SLC24A2: variants seen among roughly 807,000 people sequenced by gnomAD.
The protein encoded by SLC24A2 is sodium/potassium/calcium exchanger 2.
SLC24A2 carries 36 observed loss-of-function variants against 62.0 expected under a neutral mutation model. That is an observed-to-expected ratio of 0.58 (90% CI 0.44 to 0.77). SLC24A2 has a LOEUF of 0.77. SLC24A2 is among the 30% of genes least tolerant of loss of function. SLC24A2 has a pLI of 0.00. For missense variants in SLC24A2, 846 were observed against 817.9 expected, an observed-to-expected ratio of 1.03 and a Z score of -0.42; for synonymous variants, 358 against 294.0, an observed-to-expected ratio of 1.22 and a Z score of -2.23.
At position 19,549,386 on chromosome 9, in the gene SLC24A2, T is replaced by A. The variant is rs186421063; in HGVS notation, c.1479+751A>T. Among the ~76,000 whole-genome samples, 4 of 152,298 alleles carry A rather than the reference T, an allele frequency of 2.6e-5. No individual in the cohort carries two copies. In the East Asian group the frequency reaches 7.7e-4, roughly 29 times the overall value. On this transcript the variant is annotated intron_variant, in intron 8 of 10. Transcript: ENST00000341998. ...GGTAAACTTTTTGTTTCCTCCCCCT[T>A]TAATCAAGACACACTTAGGACTGCT...
chr9:19,709,872 C>T (rs1242928814), intron 2 of SLC24A2, among the ~76,000 whole-genome samples: 1 of 151,588 alleles, frequency 6.6e-6, no homozygotes, highest in Non-Finnish European at 1.5e-5. Context: ...GCACATTGTG[C>T]ACATGTACCC....
chr9:20,089,776 A>C, the SLC24A2 span, among the ~76,000 whole-genome samples: 2 of 141,556 alleles, frequency 1.4e-5, no homozygotes, highest in Non-Finnish European at 3.0e-5. Context: ...GGCACCCCAC[A>C]GTCACCAGAA....
At chr9:20,169,500 C>T in the SLC24A2 span, among the ~76,000 whole-genome samples, 1 of 152,124 alleles carries the variant, frequency 6.6e-6, no homozygotes, top group South Asian at 2.1e-4. Flanking sequence ...CAGTTCACAT[C>T]ACAGAACTTT....
chr9:20,186,530 C>G, the SLC24A2 span, among the ~76,000 whole-genome samples: 3 of 152,274 alleles, frequency 2.0e-5, no homozygotes, highest in East Asian at 1.9e-4. Context: ...CCTTTGCCAG[C>G]TACCTACCTG....
chr9:20,163,760 C>A, the SLC24A2 span, among the ~76,000 whole-genome samples: 1 of 152,288 alleles, frequency 6.6e-6, no homozygotes, highest in South Asian at 2.1e-4. Flanking sequence ...ACCAAAACAG[C>A]ACGGTACTGG....
intron 7 of SLC24A2, among the ~76,000 whole-genome samples, chr9:19,572,433 TG>T (rs1221906305): frequency 6.6e-6 from 1 of 152,072 alleles, no homozygotes; most frequent in Non-Finnish European, 1.5e-5. Context: ...TGATTGAATC[TG>T]GGGGGCAGAT....
At chr9:20,112,822 C>T in the SLC24A2 span, among the ~76,000 whole-genome samples, 1 of 151,806 alleles carries the variant, frequency 6.6e-6, no homozygotes, top group African/African-American at 2.4e-5. Context: ...CCCTCACCAG[C>T]CACCCCCCAC....
At chr9:19,619,012 C>A (rs1481345572) in intron 4 of SLC24A2, among the ~76,000 whole-genome samples, 1 of 152,134 alleles carries the variant, frequency 6.6e-6, no homozygotes, top group Non-Finnish European at 1.5e-5. Context: ...GGAAGTGAGC[C>A]AGGCTTTTTG....
At chr9:19,528,965 G>C (rs1430756067) in intron 8 of SLC24A2, among the ~76,000 whole-genome samples, 1 of 152,154 alleles carries the variant, frequency 6.6e-6, no homozygotes, top group African/African-American at 2.4e-5. Context: ...CAAAAAATCA[G>C]ACACTTGAAA....
Position 19,522,999 on chromosome 9 carries a change from C to T in SLC24A2, c.1570-1939G>A, listed in dbSNP as rs185767079. ...TTAAAACATTCTTAATAATTAAATT[C>T]TTGGAGGGAATTCTAAAGTAGTGAC... is the stretch of plus-strand genomic sequence containing the variant. On this transcript the variant is annotated intron_variant, in intron 9 of 10. Transcript: ENST00000341998. Among the ~76,000 whole-genome samples, 24 of 152,212 alleles carry T rather than the reference C, an allele frequency of 1.6e-4. 2 individuals are homozygous for T. In the South Asian group the frequency reaches 2.3e-3, roughly 14 times the overall value.
the SLC24A2 span, among the ~76,000 whole-genome samples, chr9:19,911,898 C>G: frequency 6.6e-6 from 1 of 152,066 alleles, no homozygotes; most frequent in Non-Finnish European, 1.5e-5. Context: ...GGGGGTTAAA[C>G]AAACATATGT....
chr9:19,606,327 G>C (rs1256613521), intron 4 of SLC24A2, among the ~76,000 whole-genome samples: 1 of 152,192 alleles, frequency 6.6e-6, no homozygotes, highest in Non-Finnish European at 1.5e-5. Context: ...TGCCAATACT[G>C]GTTGTTATGG....
chr9:20,014,397 G>A, the SLC24A2 span, among the ~76,000 whole-genome samples: 1 of 151,584 alleles, frequency 6.6e-6, no homozygotes, highest in African/African-American at 2.4e-5. Flanking sequence ...GAGGAAATGA[G>A]ATCAGTATGT....
chr9:20,086,363 G>A, the SLC24A2 span, among the ~76,000 whole-genome samples: 3 of 152,094 alleles, frequency 2.0e-5, no homozygotes, highest in Admixed American at 6.5e-5. Flanking sequence ...CCTGAGGCTC[G>A]AGATTCATTG....
Position 19,599,006 on chromosome 9 carries a change from G to A in SLC24A2, c.1079-1727C>T, listed in dbSNP as rs138103556. 6.4e-3 allele frequency among the ~76,000 whole-genome samples: 982 copies of A among 152,270 alleles called. 9 individuals are homozygous for A. The highest frequency in any genetic ancestry group is 0.033 in the South Asian group (161 of 4,818). On this transcript the variant is annotated intron_variant, in intron 4 of 10. Transcript: ENST00000341998. This position sits in a 1 kb window ranked among gnomAD's most constrained non-coding sequence, Gnocchi z 4.5. ...TGGCTCTGTGTTTGCAAAGTTGGAT[G>A]TAAACTATATTCTACACAGTGACAA...
the SLC24A2 span, among the ~76,000 whole-genome samples, chr9:20,045,921 T>C: frequency 1.3e-5 from 2 of 152,068 alleles, no homozygotes; most frequent in Non-Finnish European, 2.9e-5. Flanking sequence ...GGTAGGCTGG[T>C]TCTAGAGCCA....
chr9:20,187,449 G>C, the SLC24A2 span, among the ~76,000 whole-genome samples: 1 of 152,102 alleles, frequency 6.6e-6, no homozygotes, highest in African/African-American at 2.4e-5. Flanking sequence ...GGAGTACAAA[G>C]TCCTGAATGA....
the SLC24A2 span, among the ~76,000 whole-genome samples, chr9:20,256,424 C>T: frequency 1.3e-5 from 2 of 152,192 alleles, no homozygotes; most frequent in Non-Finnish European, 2.9e-5. Flanking sequence ...GGCAGACAGT[C>T]CTGCCAAGAC....
At chr9:20,234,123 C>T in the SLC24A2 span, among the ~76,000 whole-genome samples, 490 of 152,266 alleles carry the variant, frequency 3.2e-3, 1 homozygote, top group African/African-American at 0.011. Context: ...CTTCCCTTTG[C>T]GGGTAACCCG....
Sources: allele counts gnomAD v4.1 joint callset (sites outside exome capture counted in the v4.1 genomes callset), GRCh38; gene constraint gnomAD v4.1.1; non-coding constraint Gnocchi (gnomAD v3.1); transcripts MANE v1.5; gene names NCBI Gene and HGNC (gene_info 2026-07-23, HGNC 2026-07-21).